Variants in SYT1 observed in about 807,000 individuals in gnomAD.
SYT1 encodes synaptotagmin 1, also known as synaptotagmin-1.
Under a neutral mutation model 44.8 loss-of-function variants are expected in SYT1, and 8 were observed. The observed-to-expected ratio is 0.18, with a 90% CI of 0.10 to 0.32. The LOEUF (loss-of-function observed/expected upper bound fraction) is 0.32, where lower values mean the gene tolerates loss of function less well. Ranked by LOEUF, SYT1 falls within the 10% of genes least tolerant of loss-of-function variation. SYT1 has a pLI of 1.00. For missense variants in SYT1, 286 were observed against 509.3 expected (o/e 0.56, Z 4.22); for synonymous variants, 154 against 188.8 (o/e 0.82, Z 1.51).
intron 1 of SYT1, among the ~76,000 whole-genome samples, chr12:78,931,236 A>G (rs1428734396): frequency 3.4e-5 from 2 of 58,694 alleles, no homozygotes; most frequent in East Asian, 8.5e-4. Context: ...AGAAAGAAAG[A>G]AAGAAGGAAG....
chr12:79,080,568 T>C (rs1876962093), intron 3 of SYT1, among the ~76,000 whole-genome samples: 1 of 151,860 alleles, frequency 6.6e-6, no homozygotes, highest in Non-Finnish European at 1.5e-5. Flanking sequence ...TTCTTCAATC[T>C]TTAAGACAAA....
At chr12:78,928,943 T>C (rs1282474508) in intron 1 of SYT1, among the ~76,000 whole-genome samples, 2 of 152,282 alleles carry the variant, frequency 1.3e-5, no homozygotes, top group Middle Eastern at 3.4e-3. Context: ...ACATAAGATA[T>C]ACAGCATAGC....
chr12:79,206,984 C>G (rs1874165421), intron 3 of SYT1, among the ~76,000 whole-genome samples: 1 of 152,226 alleles, frequency 6.6e-6, no homozygotes. Flanking sequence ...CTTATTAACT[C>G]TGTGACAATG....
chr12:79,089,284 T>G (rs904150801), intron 3 of SYT1, among the ~76,000 whole-genome samples: 1 of 152,056 alleles, frequency 6.6e-6, no homozygotes, highest in Non-Finnish European at 1.5e-5. Flanking sequence ...ACTCATTTAC[T>G]AGTAGCTTGG....
intron 9 of SYT1, among the ~76,000 whole-genome samples, chr12:79,381,704 C>T (rs1884230100): frequency 6.6e-6 from 1 of 152,092 alleles, no homozygotes; most frequent in South Asian, 2.1e-4. Context: ...TGTTAGGGAG[C>T]ATGGTTGAGC....
intron 9 of SYT1, among the ~76,000 whole-genome samples, chr12:79,364,381 T>C (rs1883452804): frequency 6.6e-6 from 1 of 152,118 alleles, no homozygotes; most frequent in Non-Finnish European, 1.5e-5. Flanking sequence ...CAGAGAATGA[T>C]CCCTTGGTCA....
chr12:79,099,940 C>G (rs559683130), intron 3 of SYT1, among the ~76,000 whole-genome samples: 2 of 152,130 alleles, frequency 1.3e-5, no homozygotes, highest in South Asian at 2.1e-4. Context: ...CATGCTAAAG[C>G]TTTAGAATCA....
At chr12:78,881,053 A>G (rs1874426937) in intron 1 of SYT1, among the ~76,000 whole-genome samples, 1 of 151,556 alleles carries the variant, frequency 6.6e-6, no homozygotes. Context: ...CACCTAAGTC[A>G]CTGAACACAA....
chr12:79,088,738 C>T (rs1304520690), intron 3 of SYT1, among the ~76,000 whole-genome samples: 1 of 137,168 alleles, frequency 7.3e-6, no homozygotes, highest in African/African-American at 2.7e-5. Context: ...GGCTTTGGGC[C>T]TGTGTGTGTG....
At chr12:79,140,182 T>C (rs1869466358) in intron 3 of SYT1, among the ~76,000 whole-genome samples, 1 of 152,156 alleles carries the variant, frequency 6.6e-6, no homozygotes, top group South Asian at 2.1e-4. Flanking sequence ...ATATGAGGCA[T>C]ATAATAACCA....
At chr12:79,160,175 T>C (rs538101132) in intron 3 of SYT1, among the ~76,000 whole-genome samples, 2 of 152,180 alleles carry the variant, frequency 1.3e-5, no homozygotes, top group East Asian at 1.9e-4. Context: ...ATGTCTAAGA[T>C]GGCTGATGAG....
intron 9 of SYT1, chr12:79,393,760 C>T (rs918180472): frequency 6.6e-6 from 1 of 152,120 alleles, no homozygotes; most frequent in Non-Finnish European, 1.5e-5. Context: ...GTTGCCTGTT[C>T]ACGCTGATGA....
intron 3 of SYT1, among the ~76,000 whole-genome samples, chr12:79,119,873 G>C (rs953600077): frequency 6.6e-6 from 1 of 151,958 alleles, no homozygotes; most frequent in Non-Finnish European, 1.5e-5. Context: ...AGCTAATTAG[G>C]CATTCTCCAA....
chr12:79,104,704 A>G (rs1878617341), intron 3 of SYT1, among the ~76,000 whole-genome samples: 1 of 151,940 alleles, frequency 6.6e-6, no homozygotes, highest in Non-Finnish European at 1.5e-5. Context: ...TAGATAAATT[A>G]GGTAAGTTCA....
chr12:79,179,272 A>T (rs1872234288), intron 3 of SYT1, among the ~76,000 whole-genome samples: 1 of 121,804 alleles, frequency 8.2e-6, no homozygotes, highest in African/African-American at 3.3e-5. Flanking sequence ...ATATATAGAT[A>T]TAGATATAGA....
chr12:79,184,469 G>A (rs1240456385), intron 3 of SYT1, among the ~76,000 whole-genome samples: 3 of 151,990 alleles, frequency 2.0e-5, no homozygotes, highest in Non-Finnish European at 2.9e-5. Context: ...TCCTGGGTTT[G>A]AATTTGGCAT....
At chr12:79,367,288 A>G (rs572383116) in intron 9 of SYT1, among the ~76,000 whole-genome samples, 1 of 151,150 alleles carries the variant, frequency 6.6e-6, no homozygotes, top group African/African-American at 2.4e-5. Context: ...TGCTGGACAA[A>G]CTCTCCCTCT....
chr12:79,024,942 C>T (rs747513474), intron 2 of SYT1, among the ~76,000 whole-genome samples: 16 of 151,698 alleles, frequency 1.1e-4, no homozygotes, highest in Non-Finnish European at 1.5e-5. Flanking sequence ...CTTTATGCTG[C>T]ATTTATTGTG....
chr12:79,447,989 A>G (rs939589033), intron 10 of SYT1, among the ~76,000 whole-genome samples: 9 of 152,012 alleles, frequency 5.9e-5, no homozygotes, highest in Non-Finnish European at 1.0e-4. Flanking sequence ...TTTATTTTAA[A>G]CTCTTACCTT....
Sources: gnomAD v4.1 joint callset for allele counts (sites outside exome capture counted in the v4.1 genomes callset) on GRCh38, gnomAD v4.1.1 for gene constraint, MANE v1.5 for transcripts, NCBI Gene and HGNC (gene_info 2026-07-23, HGNC 2026-07-21) for gene names.